The following RTN4 variants were observed in gnomAD, a reference collection of about 807,000 sequenced individuals.
RTN4 encodes the protein reticulon 4.
Under a neutral mutation model 90.4 loss-of-function variants are expected in RTN4, and 32 were observed. The ratio of observed to expected loss-of-function variants is 0.35; its 90% CI spans 0.27 to 0.48. RTN4 has a LOEUF of 0.48. RTN4 is among the 20% of genes least tolerant of loss of function. RTN4 has a pLI of 0.99. For synonymous variants in RTN4, 629 were observed against 552.5 expected (o/e 1.14, Z -1.94); for missense variants, 1,706 against 1,430.2 (o/e 1.19, Z -3.11).
At chr2:55,133,446 A>T in the RTN4 span, among the ~76,000 whole-genome samples, 1 of 152,132 alleles carries the variant, frequency 6.6e-6, no homozygotes, top group Non-Finnish European at 1.5e-5. Context: ...GAAAGGTATA[A>T]ATCTACTTCC....
rs1479134893 is a variant in RTN4, at chr2:55,027,499, C to T, written c.614-14G>A. 6 of 1,578,454 alleles carry T rather than the reference C, an allele frequency of 3.8e-6. No individual in the cohort carries two copies. The highest frequency in any genetic ancestry group is 5.2e-6 in the Non-Finnish European group (6 of 1,164,904). Reference sequence around the variant, plus strand: ...AGTCCATATTTTCTGTGACCATGGACAGAAAGGAAAGTTAGAGAATGCCAG... The same window carrying T: ...AGTCCATATTTTCTGTGACCATGGATAGAAAGGAAAGTTAGAGAATGCCAG... On this transcript the variant is annotated splice_polypyrimidine_tract_variant and intron_variant, in intron 2 of 8. Coordinates refer to ENST00000337526, the MANE Select transcript of RTN4 (RefSeq NM_020532.5).
intron 3 of RTN4, among the ~76,000 whole-genome samples, chr2:55,022,084 AT>A (rs1681484213): frequency 6.6e-6 from 1 of 152,154 alleles, no homozygotes; most frequent in Admixed American, 6.5e-5. Flanking sequence ...TAGGCTATAG[AT>A]TTCCCAGGTT....
intron 3 of RTN4, among the ~76,000 whole-genome samples, chr2:55,011,499 A>G (rs1204506230): frequency 6.6e-6 from 1 of 152,222 alleles, no homozygotes; most frequent in African/African-American, 2.4e-5. Context: ...CAAATCAGCT[A>G]AAATATTTTA....
intron 1 of RTN4, among the ~76,000 whole-genome samples, chr2:55,094,643 G>C (rs1322975024): frequency 6.6e-6 from 1 of 152,172 alleles, no homozygotes; most frequent in East Asian, 1.9e-4. Context: ...CTGGGGAGGG[G>C]CTACTTTAGA....
intron 1 of RTN4, among the ~76,000 whole-genome samples, chr2:55,036,965 G>A (rs1025232873): frequency 1.3e-5 from 2 of 152,082 alleles, no homozygotes; most frequent in African/African-American, 4.8e-5. Flanking sequence ...ACAGACAACA[G>A]GACTGTATAG....
chr2:55,122,929 C>T, the RTN4 span, among the ~76,000 whole-genome samples: 7 of 152,216 alleles, frequency 4.6e-5, no homozygotes, highest in Admixed American at 3.9e-4. Flanking sequence ...CCACAAAATA[C>T]AAATGTACAC....
At chr2:55,130,964 G>A in the RTN4 span, among the ~76,000 whole-genome samples, 1 of 152,186 alleles carries the variant, frequency 6.6e-6, no homozygotes, top group Non-Finnish European at 1.5e-5. Flanking sequence ...GAACAGAGAT[G>A]TCCAAGAGTC....
Position 55,027,090 on chromosome 2 carries a change from T to TA in RTN4, c.1008dup (p.Asn337Ter). 6.2e-7 allele frequency: 1 copy of TA among 1,613,304 alleles called. No individual in the cohort carries two copies. The highest frequency in any genetic ancestry group is 8.5e-7 in the Non-Finnish European group (1 of 1,179,678). On this transcript the variant is annotated frameshift_variant, in exon 3 of 9. Transcript: ENST00000337526. LOFTEE classifies it high-confidence loss of function. ...TCTTGTTGATTATGAAGGATGTTAT[T>TA]ACTAACTAACTTCTCTTCTTCATCT...
intron 3 of RTN4, among the ~76,000 whole-genome samples, chr2:55,012,801 T>C (rs1382057428): frequency 6.6e-6 from 1 of 152,144 alleles, no homozygotes; most frequent in Non-Finnish European, 1.5e-5. Context: ...CCCCCTCTCA[T>C]ACACAAACTA....
the RTN4 span, among the ~76,000 whole-genome samples, chr2:55,135,238 T>C: frequency 5.4e-5 from 8 of 148,238 alleles, no homozygotes; most frequent in Non-Finnish European, 1.0e-4. Context: ...GATGGAGTCT[T>C]GCTCTGTCAC....
chr2:55,117,752 G>C, the RTN4 span, among the ~76,000 whole-genome samples: 1 of 152,092 alleles, frequency 6.6e-6, no homozygotes, highest in South Asian at 2.1e-4. Context: ...TGCTATGCAG[G>C]GATGCAATCT....
Position 54,972,476 on chromosome 2 carries a change from T to C in RTN4, c.*680A>G, listed in dbSNP as rs1677134793. 1 of 152,616 alleles carries C rather than the reference T, an allele frequency of 6.6e-6. No homozygotes were observed. Among genetic ancestry groups the C allele is most frequent in the African/African-American group, 2.4e-5 (1 of 41,422 alleles). 9.5% of individuals were successfully genotyped at this position (152,616 alleles called of 1,614,324 possible). A position where few individuals can be genotyped will look rare whatever the true frequency, so the allele number is the denominator to read the frequency against. ...TGTTGAAAACAGATGGTAGTGCTCC[T>C]AGAAATATTTCTTCTTCTAGCTTAT... On this transcript the variant is annotated 3_prime_UTR_variant, in exon 9 of 9. Coordinates refer to ENST00000337526, the MANE Select transcript of RTN4 (RefSeq NM_020532.5).
chr2:54,997,531 CA>C, intron 3 of RTN4, among the ~76,000 whole-genome samples: 1 of 152,160 alleles, frequency 6.6e-6, no homozygotes, highest in East Asian at 1.9e-4. Context: ...CTAGAAAACA[CA>C]AAAACTTAAC....
chr2:55,126,767 A>T, the RTN4 span, among the ~76,000 whole-genome samples: 1 of 152,246 alleles, frequency 6.6e-6, no homozygotes, highest in African/African-American at 2.4e-5. Flanking sequence ...AAAGACATGG[A>T]GTCAACCTAA....
chr2:55,066,574 A>G (rs1204840389), intron 2 of RTN4, among the ~76,000 whole-genome samples: 1 of 151,980 alleles, frequency 6.6e-6, no homozygotes, highest in Non-Finnish European at 1.5e-5. Context: ...GGCACCTGTA[A>G]TCCCAGCTAC....
chr2:55,106,096 G>A (rs1667938688), intron 1 of RTN4, among the ~76,000 whole-genome samples: 1 of 152,004 alleles, frequency 6.6e-6, no homozygotes, highest in Admixed American at 6.6e-5. Context: ...TACTATTTGG[G>A]GGGTTGTACT....
intron 1 of RTN4, among the ~76,000 whole-genome samples, chr2:55,043,537 G>A (rs1352674423): frequency 1.3e-5 from 2 of 152,104 alleles, no homozygotes; most frequent in African/African-American, 4.8e-5. Context: ...AGAACTGCTT[G>A]AGCCCAGGAG....
chr2:55,076,254 C>A (rs745766762), intron 2 of RTN4, among the ~76,000 whole-genome samples: 15 of 151,944 alleles, frequency 9.9e-5, no homozygotes, highest in African/African-American at 3.6e-4. Context: ...CAAACAATCC[C>A]ATCAAAAAGT....
chr2:55,065,222 G>T (rs1398673227), intron 2 of RTN4, among the ~76,000 whole-genome samples: 1 of 152,078 alleles, frequency 6.6e-6, no homozygotes, highest in Non-Finnish European at 1.5e-5. Context: ...CATTTTACTA[G>T]AGCATTTGCT....
Sources: allele counts gnomAD v4.1 joint callset (sites outside exome capture counted in the v4.1 genomes callset), GRCh38; gene constraint gnomAD v4.1.1; transcripts MANE v1.5; gene names NCBI Gene and HGNC (gene_info 2026-07-23, HGNC 2026-07-21).